Variants in TTC38 observed in about 807,000 individuals in gnomAD.
TTC38 encodes tetratricopeptide repeat protein 38.
Under a neutral mutation model 64.2 loss-of-function variants are expected in TTC38, and 64 were observed. That is an observed-to-expected ratio of 1.00 (90% CI 0.81 to 1.23). The LOEUF is 1.23. TTC38 is among the 50% of genes most tolerant of loss of function. The pLI is 0.00. For missense variants in TTC38, 573 were observed against 615.5 expected (o/e 0.93, Z 0.73); for synonymous variants, 254 against 249.3 (o/e 1.02, Z -0.18).
rs1321377861 is a variant in TTC38, at chr22:46,276,711, A to T, written c.539+1290A>T. Among the ~76,000 whole-genome samples the T allele has an allele frequency of 6.8e-6, 1 of 146,120 alleles. No individual in the cohort carries two copies. The highest frequency in any genetic ancestry group is 7.0e-5 in the Admixed American group (1 of 14,340). On this transcript the variant is annotated intron_variant, in intron 5 of 13. Transcript: ENST00000381031. The surrounding 1 kb of genome is among the most constrained non-coding windows in gnomAD (Gnocchi z 4.7). The stretch of plus-strand genomic sequence containing the variant: ...AGACTCTGTATCTAAAAGAATATAT[A>T]TATTAAAAATATATATATTAAAAAA...
In TTC38 at chr22:46,281,695, C is replaced by T. The variant is rs1440683443; in HGVS notation, c.712C>T (p.Gln238Ter). The change falls in exon 7 of 14, where the codon CAG becomes TAG. Residue 238 changes from glutamine (Q) to a stop codon, truncating the protein, a stop_gained. Coordinates refer to ENST00000381031, the MANE Select transcript of TTC38 (RefSeq NM_017931.4). LOFTEE classifies it high-confidence loss of function. The surrounding 1 kb of genome is among the most constrained non-coding windows in gnomAD (Gnocchi z 5.2). ...AEIKDGLEFMQHSETFWKDSD... is the reference protein window; with the variant it reads ...AEIKDGLEFM ...GATCAAGGATGGGTTGGAATTCATG[C>T]AGCACTCAGAGACCTTCTGGAAGGT... 6.2e-7 allele frequency: 1 copy of T among 1,614,124 alleles called. No individual in the cohort carries two copies. The highest frequency in any genetic ancestry group is 2.2e-5 in the East Asian group (1 of 44,894).
At position 46,276,980 on chromosome 22, in the gene TTC38, A is replaced by G. The variant is rs992411989; in HGVS notation, c.539+1559A>G. Among the ~76,000 whole-genome samples the G allele has an allele frequency of 4.6e-5, 7 of 150,786 alleles. No homozygotes were observed. The highest frequency in any genetic ancestry group is 8.9e-5 in the Non-Finnish European group (6 of 67,788). ...ACCTAATAGTACCTGACACACAGCAAACATACAATAAATAGCTTAAGTGTT... is the reference window on the plus strand; with the variant it reads ...ACCTAATAGTACCTGACACACAGCAGACATACAATAAATAGCTTAAGTGTT... On this transcript the variant is annotated intron_variant, in intron 5 of 13. Transcript: ENST00000381031. The surrounding 1 kb of genome is among the most constrained non-coding windows in gnomAD (Gnocchi z 4.7).
Position 46,273,388 on chromosome 22 carries a change from C to A in TTC38, c.194-510C>A, listed in dbSNP as rs1936937228. Among the ~76,000 whole-genome samples the A allele has an allele frequency of 6.6e-6, 1 of 152,226 alleles. No homozygotes were observed. On this transcript the variant is annotated intron_variant, in intron 3 of 13. Transcript: ENST00000381031. The surrounding 1 kb of genome is among the most constrained non-coding windows in gnomAD (Gnocchi z 5.1). The stretch of plus-strand genomic sequence containing the variant: ...ACACCCTGGCTCTCCCACAGTGGGG[C>A]CTGGGGGCCTGCACTCCTGCCAGCA...
At chr22:46,278,091 G>A (rs1232140537) in intron 5 of TTC38, among the ~76,000 whole-genome samples, 1 of 152,230 alleles carries the variant, frequency 6.6e-6, no homozygotes, top group African/African-American at 2.4e-5. Flanking sequence ...AGAGCTTGGC[G>A]TGGGGTTGGA....
rs2077493067 is a variant in TTC38 at position 46,276,825 on chromosome 22, ATATAT to A, written c.539+1405_539+1409del. Among the ~76,000 whole-genome samples, 7 of 87,988 alleles carry A rather than the reference ATATAT, an allele frequency of 8.0e-5. No individual in the cohort carries two copies. The African/African-American group carries it at 1.0e-3, about 13-fold the overall frequency. 57.7% of individuals were successfully genotyped at this position (87,988 alleles called of 152,430 possible). On this transcript the variant is annotated intron_variant, in intron 5 of 13. Coordinates refer to ENST00000381031, the MANE Select transcript of TTC38 (RefSeq NM_017931.4). This position sits in a 1 kb window ranked among gnomAD's most constrained non-coding sequence, Gnocchi z 4.7. ...TTATATATTAAAATATATATATTAAATATATATATATATATAAACATATATATATA... is the reference window on the plus strand; with the variant it reads ...TTATATATTAAAATATATATATTAAAATATATATATAAACATATATATATA...
chr22:46,284,434 G>A (rs944775096), intron 8 of TTC38, among the ~76,000 whole-genome samples: 5 of 152,160 alleles, frequency 3.3e-5, no homozygotes, highest in Non-Finnish European at 5.9e-5. Context: ...GCTCCTTATC[G>A]TGCACAAAAG....
At position 46,275,146 on chromosome 22, in the gene TTC38, T is replaced by G; in HGVS notation, c.366-102T>G. ...AGAAACTGATTTTTAAAAAAACACATCCATGTAGACCATGACACTGGTGAG... is the reference window on the plus strand; with the variant it reads ...AGAAACTGATTTTTAAAAAAACACAGCCATGTAGACCATGACACTGGTGAG... On this transcript the variant is annotated intron_variant, in intron 4 of 13. Coordinates refer to ENST00000381031, the MANE Select transcript of TTC38 (RefSeq NM_017931.4). This position sits in a 1 kb window ranked among gnomAD's most constrained non-coding sequence, Gnocchi z 4.5. 1 of 1,163,652 alleles carries G rather than the reference T, an allele frequency of 8.6e-7. No homozygotes were observed. Among genetic ancestry groups the G allele is most frequent in the Non-Finnish European group, 1.2e-6 (1 of 820,244 alleles). 72.1% of individuals were successfully genotyped at this position (1,163,652 alleles called of 1,614,324 possible).
In TTC38 at chr22:46,281,594, C is replaced by G; in HGVS notation, c.616-5C>G. 6.2e-7 allele frequency: 1 copy of G among 1,614,044 alleles called. No individual in the cohort carries two copies. Among genetic ancestry groups the G allele is most frequent in the Non-Finnish European group, 8.5e-7 (1 of 1,179,988 alleles). ...CTGGAATCCTCTTCCCCGCACCCTG[C>G]GTAGGCTTTATCTATTAACCCGACA... On this transcript the variant is annotated splice_polypyrimidine_tract_variant and splice_region_variant and intron_variant, in intron 6 of 13. Transcript: ENST00000381031. This position sits in a 1 kb window ranked among gnomAD's most constrained non-coding sequence, Gnocchi z 5.2.
At position 46,281,969 on chromosome 22, in the gene TTC38, AG is replaced by A. The variant is rs200063623; in HGVS notation, c.735+254del. 2,484 of 638,332 alleles carry A rather than the reference AG, an allele frequency of 3.9e-3. 44 individuals carry two copies. The African/African-American group carries it at 0.041, about 10-fold the overall frequency. The allele number at this position is 638,332 out of a possible 1,614,324, so 39.5% of individuals were successfully genotyped here. A position where few individuals can be genotyped will look rare whatever the true frequency, so the allele number is the denominator to read the frequency against. On this transcript the variant is annotated intron_variant, in intron 7 of 13. Coordinates refer to ENST00000381031, the MANE Select transcript of TTC38 (RefSeq NM_017931.4). The surrounding 1 kb of genome is among the most constrained non-coding windows in gnomAD (Gnocchi z 5.2). ...CCAGCCCAGACTTCTCTGTCCTTAC[AG>A]GGCCTGGTCAGGAGGAGCGAGCAGC...
chr22:46,284,009 T>C lies in TTC38; in HGVS notation c.772T>C (p.Trp258Arg), dbSNP rs1167403705. 1 of 1,607,198 alleles carries C rather than the reference T, an allele frequency of 6.2e-7. No individual in the cohort carries two copies. Among genetic ancestry groups the C allele is most frequent in the Non-Finnish European group, 8.5e-7 (1 of 1,177,412 alleles). Residue 258 changes from tryptophan (W) to arginine (R), a missense_variant, in exon 8 of 14, where the codon TGG becomes CGG. Physicochemically the swap from Trp to Arg is moderately radical, Grantham distance 101 (BLOSUM62 -3). Coordinates refer to ENST00000381031, the MANE Select transcript of TTC38 (RefSeq NM_017931.4). ...DMLACHNYWH[W>R]ALYLIEKGEY... ...GTTGGCTTGTCATAACTATTGGCAC[T>C]GGGCTTTATATCTGATTGAGAAGGT...
Position 46,271,873 on chromosome 22 carries a change from C to T in TTC38, c.112-462C>T, listed in dbSNP as rs903388140. On this transcript the variant is annotated intron_variant, in intron 2 of 13. Coordinates refer to ENST00000381031, the MANE Select transcript of TTC38 (RefSeq NM_017931.4). The surrounding 1 kb of genome is among the most constrained non-coding windows in gnomAD (Gnocchi z 5.5). ...GCATCCCTAGCCCTAGAAAGTGTGC[C>T]TTGGGTGATGTGTATTTCATTTCTT... is the stretch of plus-strand genomic sequence containing the variant. 2.6e-5 allele frequency among the ~76,000 whole-genome samples: 4 copies of T among 152,162 alleles called. No homozygotes were observed. The highest frequency in any genetic ancestry group is 9.7e-5 in the African/African-American group (4 of 41,428).
intron 7 of TTC38, among the ~76,000 whole-genome samples, chr22:46,283,119 A>G (rs1431125696): frequency 6.6e-6 from 1 of 151,630 alleles, no homozygotes; most frequent in Non-Finnish European, 1.5e-5. Context: ...TTTTTTTTAG[A>G]GAGACAGGGT....
Position 46,292,570 on chromosome 22 carries a change from C to T in TTC38, c.1317-221C>T, listed in dbSNP as rs1236767006. On this transcript the variant is annotated intron_variant, in intron 13 of 13. Coordinates refer to ENST00000381031, the MANE Select transcript of TTC38 (RefSeq NM_017931.4). This position sits in a 1 kb window ranked among gnomAD's most constrained non-coding sequence, Gnocchi z 6.5. ...GTTTTCCCCACTGCCACCTGTTGTG[C>T]CCCATCTCGGGTGTGGCTTCCTGCA... Among the ~76,000 whole-genome samples, 1 of 152,230 alleles carries T rather than the reference C, an allele frequency of 6.6e-6. No homozygotes were observed. The highest frequency in any genetic ancestry group is 1.5e-5 in the Non-Finnish European group (1 of 68,030).
chr22:46,287,489 A>G lies in TTC38; in HGVS notation c.916+335A>G, dbSNP rs1416294722. 2.6e-5 allele frequency among the ~76,000 whole-genome samples: 4 copies of G among 152,284 alleles called. No individual in the cohort carries two copies. The East Asian group carries it at 5.8e-4, about 22-fold the overall frequency. The stretch of plus-strand genomic sequence containing the variant: ...TTCGGGGCACTGGTAGCACCTGGCC[A>G]CCTGTCTCGATGCCACCTCCTTTCC... On this transcript the variant is annotated intron_variant, in intron 10 of 13. Coordinates refer to ENST00000381031, the MANE Select transcript of TTC38 (RefSeq NM_017931.4).
At position 46,289,112 on chromosome 22, in the gene TTC38, A is replaced by G. The variant is rs945028328; in HGVS notation, c.1083-290A>G. On this transcript the variant is annotated intron_variant, in intron 11 of 13. Transcript: ENST00000381031. Reference sequence around the variant, plus strand: ...CAGGCCTTTGCCTGTATTATCAGCAATCCTGACGGTTCTGTTAGATTGGCA... The same window carrying G: ...CAGGCCTTTGCCTGTATTATCAGCAGTCCTGACGGTTCTGTTAGATTGGCA... Among the ~76,000 whole-genome samples the G allele has an allele frequency of 5.3e-5, 8 of 152,214 alleles. 1 individual carries two copies. The highest frequency in any genetic ancestry group is 4.1e-4 in the South Asian group (2 of 4,834).
At chr22:46,290,000 C>A in intron 13 of TTC38, 101 bp downstream of exon 13, 1 of 1,058,248 alleles carries the variant, frequency 9.4e-7, no homozygotes, top group South Asian at 1.3e-5. Context: ...CCGAGATGCT[C>A]CTGCTTCTGA....
At chr22:46,289,371 G>T in intron 11 of TTC38, 31 bp from the exon 12 acceptor site, 1 of 1,598,910 alleles carries the variant, frequency 6.3e-7, no homozygotes. Flanking sequence ...GTGATGGGCA[G>T]GCAGCTGAGG....
In TTC38 at chr22:46,273,766, C is replaced by T; in HGVS notation, c.194-132C>T. On this transcript the variant is annotated intron_variant, in intron 3 of 13. Transcript: ENST00000381031. The surrounding 1 kb of genome is among the most constrained non-coding windows in gnomAD (Gnocchi z 5.1). ...GAGTTCTAGACAGTAGGCAGGGCCA[C>T]AGTGCCCAGCCTGCTGCTGCCTGGC... The T allele has an allele frequency of 1.2e-6, 1 of 821,802 alleles. No homozygotes were observed. Among genetic ancestry groups the T allele is most frequent in the Non-Finnish European group, 1.9e-6 (1 of 524,064 alleles). The allele number at this position is 821,802 out of a possible 1,614,324, so 50.9% of individuals were successfully genotyped here. A position where few individuals can be genotyped will look rare whatever the true frequency, so the allele number is the denominator to read the frequency against.
intron 6 of TTC38, among the ~76,000 whole-genome samples, chr22:46,279,667 T>C (rs2077519353): frequency 6.6e-6 from 1 of 152,236 alleles, no homozygotes; most frequent in Admixed American, 6.5e-5. Flanking sequence ...AAGACTGCTC[T>C]GATTACAGAA....
Sources: allele counts gnomAD v4.1 joint callset (sites outside exome capture counted in the v4.1 genomes callset), GRCh38; gene constraint gnomAD v4.1.1; non-coding constraint Gnocchi (gnomAD v3.1); transcripts MANE v1.5; gene names NCBI Gene and HGNC (gene_info 2026-07-23, HGNC 2026-07-21).